AMZ2: variants seen among roughly 807,000 people sequenced by gnomAD.
The protein encoded by AMZ2 is archaelysin family metallopeptidase 2, also known as archaemetzincin-2.
AMZ2 carries 26 observed loss-of-function variants against 36.7 expected under a neutral mutation model. That is an observed-to-expected ratio of 0.71 (90% CI 0.52 to 0.98). The LOEUF (loss-of-function observed/expected upper bound fraction) is 0.98. AMZ2 is among the 50% of genes least tolerant of loss of function. The pLI is 0.00. For missense variants in AMZ2, 394 were observed against 430.5 expected (o/e 0.92, Z 0.75); for synonymous variants, 144 against 149.1 (o/e 0.97, Z 0.25).
At chr17:68,249,332 CAG>C (rs782237157) in intron 1 of AMZ2, 33 of 185,934 alleles carry the variant, frequency 1.8e-4, no homozygotes, top group South Asian at 5.8e-4. Context: ...TTTTTTGAGA[CAG>C]AGTCTCTATT....
chr17:68,252,377 G>T (rs1221046277), intron 4 of AMZ2, among the ~76,000 whole-genome samples: 1 of 152,226 alleles, frequency 6.6e-6, no homozygotes, highest in African/African-American at 2.4e-5. Flanking sequence ...CTACCAGCAT[G>T]CACTCTTGGA....
At chr17:68,209,506 T>C (rs926242007) in intron 1 of AMZ2, among the ~76,000 whole-genome samples, 8 of 151,832 alleles carry the variant, frequency 5.3e-5, no homozygotes, top group African/African-American at 1.9e-4. Context: ...TAGATGTGTC[T>C]TGTATTTTGC....
intron 1 of AMZ2, chr17:68,249,173 T>G (rs1388644340): frequency 1.0e-6 from 1 of 989,766 alleles, no homozygotes; most frequent in Admixed American, 4.8e-5. Flanking sequence ...CTTCAGTGGC[T>G]AAGCTGTAGT....
chr17:68,241,607 A>T (rs1297693744), intron 1 of AMZ2, among the ~76,000 whole-genome samples: 1 of 152,188 alleles, frequency 6.6e-6, no homozygotes, highest in Non-Finnish European at 1.5e-5. Flanking sequence ...AGCCTCTAGG[A>T]AGATGGCCTA....
At chr17:68,213,681 A>G (rs2073123785) in intron 1 of AMZ2, among the ~76,000 whole-genome samples, 1 of 152,152 alleles carries the variant, frequency 6.6e-6, no homozygotes, top group South Asian at 2.1e-4. Flanking sequence ...ATTGTGTTTG[A>G]TTCTGAGAAC....
rs560300811 is a variant in AMZ2 at position 68,235,561 on chromosome 17, C to A, written c.-66-13079C>A. On this transcript the variant is annotated intron_variant, in intron 1 of 7. Transcript: ENST00000674770. The surrounding 1 kb of genome is among the most constrained non-coding windows in gnomAD (Gnocchi z 4.2). ...CACTGCAAAGTAGGTTGGCTTCCCC[C>A]TTACGGAGCCCCTATCCGGGACAGC... Among the ~76,000 whole-genome samples, 1 of 152,274 alleles carries A rather than the reference C, an allele frequency of 6.6e-6. No homozygotes were observed. Among genetic ancestry groups the A allele is most frequent in the South Asian group, 2.1e-4 (1 of 4,814 alleles).
intron 1 of AMZ2, among the ~76,000 whole-genome samples, chr17:68,219,274 T>G (rs1350745038): frequency 6.6e-6 from 1 of 152,138 alleles, no homozygotes; most frequent in Non-Finnish European, 1.5e-5. Context: ...TGCATCAGCC[T>G]TTTTCTAACC....
chr17:68,208,070 T>C, intron 1 of AMZ2, among the ~76,000 whole-genome samples: 1 of 152,134 alleles, frequency 6.6e-6, no homozygotes, highest in Admixed American at 6.5e-5. Context: ...ACTTGGGACC[T>C]GCAGCCCGCC....
intron 1 of AMZ2, among the ~76,000 whole-genome samples, chr17:68,242,823 C>A (rs1973727858): frequency 6.6e-6 from 1 of 152,082 alleles, no homozygotes; most frequent in African/African-American, 2.4e-5. Flanking sequence ...ATGTCTTGAG[C>A]CCAGGAGTTC....
rs1415296477 is a variant in AMZ2, at chr17:68,235,932, C to T, written c.-66-12708C>T. On this transcript the variant is annotated intron_variant, in intron 1 of 7. Transcript: ENST00000674770. This position sits in a 1 kb window ranked among gnomAD's most constrained non-coding sequence, Gnocchi z 4.2. ...GCAACCTCCATCTCCCGGGCTCAAG[C>T]GATTCTCCTGCCTCAGGCTCCCAAG... 7.2e-5 allele frequency among the ~76,000 whole-genome samples: 11 copies of T among 152,046 alleles called. No individual in the cohort carries two copies. The highest frequency in any genetic ancestry group is 2.4e-4 in the African/African-American group (10 of 41,380).
upstream of AMZ2, among the ~76,000 whole-genome samples, chr17:68,246,234 GGTGT>G (rs1428809784): frequency 4.2e-4 from 64 of 150,908 alleles, no homozygotes; most frequent in Middle Eastern, 3.2e-3. Flanking sequence ...CGGGCGTGGT[GGTGT>G]GTGCCTGTAG....
rs533631198 is a variant in AMZ2, at chr17:68,225,025, AACAC to A, written c.-67+18797_-67+18800del. On this transcript the variant is annotated intron_variant, in intron 1 of 7. Transcript: ENST00000674770. ...AAACCCCGTTTCTACTAAAAAAAAA[AACAC>A]ACACACACAAAAATTAGCTGGGCAT... Among the ~76,000 whole-genome samples the A allele has an allele frequency of 1.2e-4, 17 of 146,774 alleles. No individual in the cohort carries two copies. In the South Asian group the frequency reaches 3.6e-3, roughly 31 times the overall value.
At chr17:68,217,216 A>G (rs8081976) in intron 1 of AMZ2, among the ~76,000 whole-genome samples, 10,025 of 136,172 alleles carry the variant, frequency 0.074, 697 homozygotes, top group African/African-American at 0.2. Flanking sequence ...TTGAAATCAC[A>G]TGACTCAGAT....
At chr17:68,244,003 G>C (rs1249936401), upstream of AMZ2, among the ~76,000 whole-genome samples, 1 of 152,190 alleles carries the variant, frequency 6.6e-6, no homozygotes, top group Non-Finnish European at 1.5e-5. Flanking sequence ...TTTTCCTGCA[G>C]TGCTATGGAT....
At position 68,209,633 on chromosome 17, in the gene AMZ2, T is replaced by TATATATATGTATATATATATA. The variant is rs1555725395; in HGVS notation, c.-67+3395_-67+3396insATATATATGTATATATATATA. The stretch of plus-strand genomic sequence containing the variant: ...ATGTATATATATATATATATATATA[T>TATATATATGTATATATATATA]TTTTTTTTTTTTTTATACAGAGTCT... On this transcript the variant is annotated intron_variant, in intron 1 of 7. Coordinates refer to the AMZ2 transcript ENST00000674770. Among the ~76,000 whole-genome samples, 3 of 78,862 alleles carry TATATATATGTATATATATATA rather than the reference T, an allele frequency of 3.8e-5. No homozygotes were observed. In the East Asian group the frequency reaches 1.2e-3, roughly 31 times the overall value. 51.7% of individuals were successfully genotyped at this position (78,862 alleles called of 152,430 possible). A position where few individuals can be genotyped will look rare whatever the true frequency, so the allele number is the denominator to read the frequency against.
chr17:68,226,359 A>G (rs1353095831), intron 1 of AMZ2, among the ~76,000 whole-genome samples: 2 of 152,244 alleles, frequency 1.3e-5, no homozygotes, highest in Non-Finnish European at 2.9e-5. Context: ...GGCTTCCTTC[A>G]GGACGAAGAG....
chr17:68,211,166 G>A (rs1181808995), intron 1 of AMZ2, among the ~76,000 whole-genome samples: 2 of 152,110 alleles, frequency 1.3e-5, no homozygotes, highest in Non-Finnish European at 2.9e-5. Flanking sequence ...AAATGGTTGA[G>A]TAGGGCCAGT....
At chr17:68,256,735 C>G (rs1213943120) in intron 6 of AMZ2, 79 bp from the exon 7 acceptor site, 3 of 1,452,872 alleles carry the variant, frequency 2.1e-6, no homozygotes, top group African/African-American at 1.4e-5. Context: ...ACCCTATGAT[C>G]TAGAAGCCAA....
At chr17:68,217,174 A>G (rs1170005174) in intron 1 of AMZ2, among the ~76,000 whole-genome samples, 2 of 152,224 alleles carry the variant, frequency 1.3e-5, no homozygotes, top group Admixed American at 6.5e-5. Flanking sequence ...AGCAAAATAT[A>G]TACTATTTGA....
Sources: allele counts gnomAD v4.1 joint callset (sites outside exome capture counted in the v4.1 genomes callset), GRCh38; gene constraint gnomAD v4.1.1; non-coding constraint Gnocchi (gnomAD v3.1); transcripts MANE v1.5; gene names NCBI Gene and HGNC (gene_info 2026-07-23, HGNC 2026-07-21).